SRFBP1: variants seen among roughly 807,000 people sequenced by gnomAD.
SRFBP1 encodes serum response factor-binding protein 1.
SRFBP1 carries 47 observed loss-of-function variants against 45.5 expected under a neutral mutation model. The observed-to-expected ratio is 1.03, with a 90% confidence interval of 0.82 to 1.32. SRFBP1 has a LOEUF of 1.32. Ranked by LOEUF, SRFBP1 falls within the 40% of genes most tolerant of loss-of-function variation. SRFBP1 has a pLI of 0.00. For synonymous variants in SRFBP1, 203 were observed against 166.3 expected (o/e 1.22, Z -1.70); for missense variants, 621 against 484.6 (o/e 1.28, Z -2.64).
intron 4 of SRFBP1, among the ~76,000 whole-genome samples, chr5:122,002,882 G>T (rs1752900137): frequency 6.6e-6 from 1 of 152,082 alleles, no homozygotes; most frequent in African/African-American, 2.4e-5. Flanking sequence ...GCACTCTGAT[G>T]CTACATTTAT....
chr5:122,002,807 C>A (rs905892398), intron 4 of SRFBP1, among the ~76,000 whole-genome samples: 4 of 152,094 alleles, frequency 2.6e-5, no homozygotes, highest in African/African-American at 9.7e-5. Context: ...CAGGGAAAAT[C>A]TGAAGATTAA....
chr5:121,970,538 T>A (rs1752166527), intron 1 of SRFBP1, among the ~76,000 whole-genome samples: 2 of 152,046 alleles, frequency 1.3e-5, no homozygotes, highest in South Asian at 4.1e-4. Flanking sequence ...AACGTGGCCG[T>A]TCTTTTTTTT....
intron 4 of SRFBP1, among the ~76,000 whole-genome samples, chr5:122,006,114 T>G (rs1391219436): frequency 6.6e-6 from 1 of 152,196 alleles, no homozygotes; most frequent in African/African-American, 2.4e-5. Context: ...AGCTTTTGTC[T>G]GGGAATGTTT....
intron 1 of SRFBP1, among the ~76,000 whole-genome samples, chr5:121,962,734 C>A (rs943730209): frequency 6.6e-6 from 1 of 152,186 alleles, no homozygotes; most frequent in African/African-American, 2.4e-5. Flanking sequence ...TACCACTTAT[C>A]CCCCTCTGGT....
intron 4 of SRFBP1, among the ~76,000 whole-genome samples, chr5:121,998,840 C>A (rs1217478982): frequency 6.6e-6 from 1 of 152,106 alleles, no homozygotes; most frequent in East Asian, 1.9e-4. Flanking sequence ...TGTTAGGTGG[C>A]ATCATCATTA....
intron 4 of SRFBP1, among the ~76,000 whole-genome samples, chr5:122,012,766 G>T (rs1026075386): frequency 1.3e-5 from 2 of 152,046 alleles, no homozygotes; most frequent in African/African-American, 4.8e-5. Flanking sequence ...TAATTATTAT[G>T]ATTTCTTATA....
chr5:121,974,433 G>C, intron 2 of SRFBP1, 149 bp downstream of exon 2: 2 of 580,160 alleles, frequency 3.4e-6, no homozygotes, highest in South Asian at 4.2e-5. Context: ...TGATGTGAGT[G>C]AGATAGAATG....
chr5:121,984,849 T>C (rs1005636183), intron 3 of SRFBP1, among the ~76,000 whole-genome samples: 3 of 151,810 alleles, frequency 2.0e-5, no homozygotes, highest in East Asian at 1.9e-4. Context: ...CCAGATTGCA[T>C]TGTGACTTTA....
intron 3 of SRFBP1, among the ~76,000 whole-genome samples, chr5:121,991,884 A>G (rs1224670470): frequency 6.6e-6 from 1 of 152,176 alleles, no homozygotes; most frequent in African/African-American, 2.4e-5. Flanking sequence ...CAAAATACCG[A>G]AGTATAAATG....
chr5:122,033,295 T>C (rs78838468), downstream of SRFBP1, among the ~76,000 whole-genome samples: 1,394 of 152,256 alleles, frequency 9.2e-3, 17 homozygotes, highest in African/African-American at 0.032. Flanking sequence ...TATGTTGTTT[T>C]TCTATCATGT....
intron 3 of SRFBP1, among the ~76,000 whole-genome samples, chr5:121,992,826 A>C (rs569422187): frequency 2.8e-4 from 43 of 152,048 alleles, no homozygotes; most frequent in Admixed American, 7.2e-4. Flanking sequence ...TTAATGTCTT[A>C]AGTTTAATAT....
At chr5:122,005,130 T>C (rs1198212252) in intron 4 of SRFBP1, among the ~76,000 whole-genome samples, 2 of 152,204 alleles carry the variant, frequency 1.3e-5, no homozygotes, top group Non-Finnish European at 2.9e-5. Flanking sequence ...TGCTGTTGGA[T>C]GAAATGTTCT....
chr5:122,066,869 G>A (rs1754315736), intron 2 of SRFBP1: 1 of 660,812 alleles, frequency 1.5e-6, no homozygotes, highest in Non-Finnish European at 2.8e-6. Flanking sequence ...CTCCACCTAA[G>A]CAGCAATCAT....
chr5:122,054,193 G>A (rs1654589006), intron 2 of SRFBP1, among the ~76,000 whole-genome samples: 2 of 152,196 alleles, frequency 1.3e-5, no homozygotes, highest in Non-Finnish European at 2.9e-5. Context: ...ACATCTGAGT[G>A]GCTCCCTGCC....
chr5:121,979,515 A>G (rs1366695757), intron 3 of SRFBP1, among the ~76,000 whole-genome samples: 1 of 152,212 alleles, frequency 6.6e-6, no homozygotes, highest in Non-Finnish European at 1.5e-5. Flanking sequence ...ATTCTATGAA[A>G]GTAATTGTAT....
downstream of SRFBP1, among the ~76,000 whole-genome samples, chr5:122,029,141 G>A (rs1753551886): frequency 6.6e-6 from 1 of 152,106 alleles, no homozygotes; most frequent in Non-Finnish European, 1.5e-5. Flanking sequence ...GGGGGTGGGA[G>A]GGGGCTACAT....
chr5:121,982,321 C>T (rs1752426464), intron 3 of SRFBP1, among the ~76,000 whole-genome samples: 1 of 151,884 alleles, frequency 6.6e-6, no homozygotes. Context: ...TAATGCTCTC[C>T]TCACACTCAT....
At chr5:121,994,560 G>T in intron 3 of SRFBP1, 39 bp from the exon 4 acceptor site, 3 of 1,336,486 alleles carry the variant, frequency 2.2e-6, no homozygotes, top group South Asian at 1.3e-5. Flanking sequence ...GATAAAAATA[G>T]ACACATAACT....
chr5:121,967,127 C>G (rs1159480428), intron 1 of SRFBP1, among the ~76,000 whole-genome samples: 1 of 151,880 alleles, frequency 6.6e-6, no homozygotes, highest in African/African-American at 2.4e-5. Context: ...ACCATTAAGC[C>G]CATTAGAAAA....
Sources: gnomAD v4.1 joint callset for allele counts (sites outside exome capture counted in the v4.1 genomes callset) on GRCh38, gnomAD v4.1.1 for gene constraint, MANE v1.5 for transcripts, NCBI Gene and HGNC (gene_info 2026-07-23, HGNC 2026-07-21) for gene names.